The following VGLL1 variants were observed in gnomAD, a reference collection of about 807,000 sequenced individuals.
VGLL1 encodes the protein vestigial like family member 1, also known as transcription cofactor vestigial-like protein 1.
In VGLL1, 4 loss-of-function variants were observed where a neutral mutation model predicts 12.0. That is an observed-to-expected ratio of 0.33 (90% CI 0.16 to 0.76). The LOEUF is 0.76. Ranked by LOEUF, VGLL1 falls within the 30% of genes least tolerant of loss-of-function variation. The pLI, the probability that VGLL1 is intolerant of heterozygous loss-of-function variation, is 0.60. For missense variants in VGLL1, 204 were observed against 208.7 expected (o/e 0.98, Z 0.14); for synonymous variants, 87 against 81.2 (o/e 1.07, Z -0.39).
At chrX:136,551,462 A>G (rs924207564) in intron 4 of VGLL1, among the ~76,000 whole-genome samples, 1 of 111,638 alleles carries the variant, frequency 9.0e-6, no homozygotes, top group African/African-American at 3.3e-5. Context: ...GGAACTTACA[A>G]AAGAGGACAA....
intron 1 of VGLL1, among the ~76,000 whole-genome samples, chrX:136,534,509 A>G (rs1283436465): frequency 8.9e-6 from 1 of 112,674 alleles, no homozygotes; most frequent in Non-Finnish European, 1.9e-5. Flanking sequence ...GCTGAGTAAC[A>G]TTCCATTGTA....
intron 2 of VGLL1, among the ~76,000 whole-genome samples, chrX:136,544,707 G>T (rs2075865121): frequency 8.9e-6 from 1 of 112,285 alleles, no homozygotes; most frequent in Non-Finnish European, 1.9e-5. Flanking sequence ...TTTACAAATT[G>T]TTCCTGCCCA....
At chrX:136,543,789 A>T (rs2148531496) in intron 2 of VGLL1, among the ~76,000 whole-genome samples, 2 of 109,925 alleles carry the variant, frequency 1.8e-5, no homozygotes, top group African/African-American at 6.6e-5. Flanking sequence ...CAGAATTTGC[A>T]TTAAAAGATG....
At position 136,552,782 on chromosome X, in the gene VGLL1, G is replaced by A. The variant is rs566719749; in HGVS notation, c.688+1961G>A. Among the ~76,000 whole-genome samples the A allele has an allele frequency of 3.6e-5, 4 of 112,095 alleles. No homozygotes were observed. In the East Asian group the frequency reaches 8.4e-4, roughly 24 times the overall value. On this transcript the variant is annotated intron_variant, in intron 4 of 4. Transcript: ENST00000370634. ...GCAGTATTATCTCCTTGCTCTCACA[G>A]TGTCATAAAATTATCAGAAACAATT...
At chrX:136,544,120 T>C (rs772129363) in intron 2 of VGLL1, among the ~76,000 whole-genome samples, 1 of 111,983 alleles carries the variant, frequency 8.9e-6, no homozygotes, top group South Asian at 3.7e-4. Context: ...AATTCATCAA[T>C]GTCATATCCA....
intron 2 of VGLL1, among the ~76,000 whole-genome samples, chrX:136,540,512 C>A (rs2075852959): frequency 9.0e-6 from 1 of 111,474 alleles, no homozygotes; most frequent in African/African-American, 3.3e-5. Context: ...CTTGTCTGAG[C>A]AACCTATTTA....
At position 136,556,633 on chromosome X, in the gene VGLL1, C is replaced by A; in HGVS notation, c.*94C>A. The A allele has an allele frequency of 2.5e-6, 2 of 787,943 alleles. No homozygotes were observed. Among genetic ancestry groups the A allele is most frequent in the Non-Finnish European group, 3.8e-6 (2 of 532,940 alleles). The allele number at this position is 787,943 out of a possible 1,213,427, so 64.9% of individuals were successfully genotyped here. A position where few individuals can be genotyped will look rare whatever the true frequency, so the allele number is the denominator to read the frequency against. On this transcript the variant is annotated 3_prime_UTR_variant, in exon 5 of 5. Transcript: ENST00000370634. ...AGATAAAAATGAAAGCTGCTCACACCCACTTGCCTCCCCAATCTGTTAAAC... is the reference window on the plus strand; with the variant it reads ...AGATAAAAATGAAAGCTGCTCACACACACTTGCCTCCCCAATCTGTTAAAC...
chrX:136,535,847 C>G (rs1402293516), intron 1 of VGLL1, 149 bp from the exon 2 acceptor site: 2 of 447,222 alleles, frequency 4.5e-6, no homozygotes, highest in Non-Finnish European at 7.8e-6. Flanking sequence ...TCGTCATTGA[C>G]CTTTAGGAGC....
intron 2 of VGLL1, among the ~76,000 whole-genome samples, chrX:136,537,338 A>T (rs922863055): frequency 2.7e-5 from 3 of 110,255 alleles, no homozygotes; most frequent in African/African-American, 9.9e-5. Context: ...GCACCACTGT[A>T]CTCCAGCCTG....
chrX:136,538,569 T>C (rs2075846757), intron 2 of VGLL1, among the ~76,000 whole-genome samples: 1 of 111,824 alleles, frequency 8.9e-6, no homozygotes, highest in African/African-American at 3.3e-5. Context: ...TGTTGGTGAG[T>C]GCACATGTTG....
chrX:136,546,606 A>T (rs1308173587), intron 2 of VGLL1, among the ~76,000 whole-genome samples: 1 of 112,241 alleles, frequency 8.9e-6, no homozygotes, highest in African/African-American at 3.2e-5. Flanking sequence ...GAAATATTCA[A>T]AACATTCTGG....
intron 1 of VGLL1, among the ~76,000 whole-genome samples, chrX:136,532,601 C>CTT (rs1187075022): frequency 1.2e-5 from 1 of 80,443 alleles, no homozygotes; most frequent in African/African-American, 4.8e-5. Context: ...TTCTTTCTTT[C>CTT]TTTCTTTCTT....
chrX:136,532,533 G>C (rs192068880), intron 1 of VGLL1, among the ~76,000 whole-genome samples: 2 of 110,894 alleles, frequency 1.8e-5, no homozygotes, highest in African/African-American at 6.5e-5. Context: ...TTGTGGTAGA[G>C]TTCTGGCCAA....
intron 2 of VGLL1, among the ~76,000 whole-genome samples, chrX:136,546,590 T>G (rs900233038): frequency 1.8e-5 from 2 of 112,157 alleles, no homozygotes; most frequent in African/African-American, 6.5e-5. Context: ...AAGGAAGCAG[T>G]TAAGAGAAAT....
chrX:136,534,557 A>G (rs1487723632), intron 1 of VGLL1, among the ~76,000 whole-genome samples: 1 of 112,548 alleles, frequency 8.9e-6, no homozygotes, highest in African/African-American at 3.2e-5. Context: ...TCTCCTGGTG[A>G]TAAACATGTG....
At chrX:136,545,251 C>T (rs1251600207) in intron 2 of VGLL1, among the ~76,000 whole-genome samples, 4 of 111,593 alleles carry the variant, frequency 3.6e-5, no homozygotes, top group Admixed American at 9.5e-5. Flanking sequence ...CTGCTCTCTT[C>T]GATTTAGAAA....
At position 136,547,041 on chromosome X, in the gene VGLL1, A is replaced by G. The variant is rs992953301; in HGVS notation, c.215-1548A>G. Among the ~76,000 whole-genome samples, 3 of 112,670 alleles carry G rather than the reference A, an allele frequency of 2.7e-5. No individual in the cohort carries two copies. In the Admixed American group the frequency reaches 2.8e-4, roughly 10 times the overall value. Reference sequence around the variant, plus strand: ...CACTGAGTGACGGCACTCCAGTAACACTGGGCAGGCCTTTCAGAATTTTTT... The same window carrying G: ...CACTGAGTGACGGCACTCCAGTAACGCTGGGCAGGCCTTTCAGAATTTTTT... On this transcript the variant is annotated intron_variant, in intron 2 of 4. Transcript: ENST00000370634.
At chrX:136,544,978 T>G (rs2075865847) in intron 2 of VGLL1, among the ~76,000 whole-genome samples, 1 of 112,285 alleles carries the variant, frequency 8.9e-6, no homozygotes, top group Admixed American at 9.4e-5. Context: ...TGCTGAGTGT[T>G]GCAAACCAGT....
chrX:136,544,364 C>G (rs1412843517), intron 2 of VGLL1, among the ~76,000 whole-genome samples: 10 of 112,376 alleles, frequency 8.9e-5, no homozygotes. Flanking sequence ...AGAGTACACA[C>G]AAATTTTAGG....
Sources: allele counts gnomAD v4.1 joint callset (sites outside exome capture counted in the v4.1 genomes callset), GRCh38; gene constraint gnomAD v4.1.1; transcripts MANE v1.5; gene names NCBI Gene and HGNC (gene_info 2026-07-23, HGNC 2026-07-21).